Variants in COLEC12 observed in about 807,000 individuals in gnomAD.
COLEC12 encodes the protein collectin-12.
A neutral mutation model predicts 71.1 loss-of-function variants in COLEC12; 33 were observed. That is an observed-to-expected ratio of 0.46 (90% CI 0.35 to 0.62). COLEC12 has a LOEUF of 0.62. Among genes scored for constraint, COLEC12 ranks in the 20% least tolerant of loss-of-function variants. The pLI, the probability that COLEC12 is intolerant of heterozygous loss-of-function variation, is 0.00. For synonymous variants in COLEC12, 350 were observed against 353.0 expected, an observed-to-expected ratio of 0.99 and a Z score of 0.10; for missense variants, 765 against 916.1, an observed-to-expected ratio of 0.84 and a Z score of 2.13.
At chr18:363,350 C>T (rs658489) in intron 2 of COLEC12, among the ~76,000 whole-genome samples, 89,262 of 151,986 alleles carry the variant, frequency 0.59, 26,768 homozygotes, top group South Asian at 0.73. Context: ...AGGTGGAGGC[C>T]GGCACTGTGG....
chr18:342,201 G>A (rs1169465412), intron 5 of COLEC12, among the ~76,000 whole-genome samples: 1 of 152,112 alleles, frequency 6.6e-6, no homozygotes, highest in Non-Finnish European at 1.5e-5. Context: ...GGGATTACGG[G>A]CATGTGCCAC....
rs146915453 is a variant in COLEC12, at chr18:397,664, A to G, written c.59-40142T>C. Among the ~76,000 whole-genome samples, 241 of 152,220 alleles carry G rather than the reference A, an allele frequency of 1.6e-3. 1 individual carries two copies. Among genetic ancestry groups the G allele is most frequent in the South Asian group, 0.014 (68 of 4,810 alleles). On this transcript the variant is annotated intron_variant, in intron 2 of 9. Coordinates refer to ENST00000400256, the MANE Select transcript of COLEC12 (RefSeq NM_130386.3). ...TGGCCTGTGTTATTAGTCTATCTTTAACCCATGGTTTCTTCAGAGGAGGCT... is the reference window on the plus strand; with the variant it reads ...TGGCCTGTGTTATTAGTCTATCTTTGACCCATGGTTTCTTCAGAGGAGGCT...
At chr18:371,011 G>A (rs1468390313) in intron 2 of COLEC12, among the ~76,000 whole-genome samples, 1 of 152,204 alleles carries the variant, frequency 6.6e-6, no homozygotes, top group East Asian at 1.9e-4. Context: ...ATGAAGTCTG[G>A]ACTTCACAGC....
intron 2 of COLEC12, among the ~76,000 whole-genome samples, chr18:431,481 C>A (rs1004287170): frequency 6.6e-6 from 1 of 152,120 alleles, no homozygotes. Flanking sequence ...TAAAACCAGA[C>A]CTGAATGAAT....
chr18:381,223 A>G (rs1237424986), intron 2 of COLEC12, among the ~76,000 whole-genome samples: 1 of 152,220 alleles, frequency 6.6e-6, no homozygotes, highest in Non-Finnish European at 1.5e-5. Flanking sequence ...GTATTGAGAC[A>G]TACTTCTGCT....
Position 399,358 on chromosome 18 carries a change from G to A in COLEC12, c.59-41836C>T, listed in dbSNP as rs61547160. Among the ~76,000 whole-genome samples the A allele has an allele frequency of 0.037, 5,647 of 152,274 alleles. 170 individuals are homozygous for A. Among genetic ancestry groups the A allele is most frequent in the East Asian group, 0.18 (920 of 5,176 alleles). On this transcript the variant is annotated intron_variant, in intron 2 of 9. Transcript: ENST00000400256. This position sits in a 1 kb window ranked among gnomAD's most constrained non-coding sequence, Gnocchi z 4.0. Reference sequence around the variant, plus strand: ...AAGCAGGCCAGACGAGAGGCTTTTTGGAAGGGTTCTCATCACTGTGTAGCG... The same window carrying A: ...AAGCAGGCCAGACGAGAGGCTTTTTAGAAGGGTTCTCATCACTGTGTAGCG...
intron 3 of COLEC12, among the ~76,000 whole-genome samples, chr18:352,597 T>G (rs897429207): frequency 1.3e-5 from 2 of 152,224 alleles, no homozygotes; most frequent in African/African-American, 4.8e-5. Flanking sequence ...ATGAACAGTT[T>G]ACATGCACTG....
At chr18:423,908 G>T (rs746753036) in intron 2 of COLEC12, 4 of 152,084 alleles carry the variant, frequency 2.6e-5, no homozygotes, top group Non-Finnish European at 4.4e-5. Flanking sequence ...AGAGCTGAAG[G>T]GCTCATCTGA....
chr18:437,131 C>T (rs1197871138), intron 2 of COLEC12, among the ~76,000 whole-genome samples: 2 of 152,138 alleles, frequency 1.3e-5, no homozygotes, highest in Non-Finnish European at 2.9e-5. Context: ...GCTGTCTTGG[C>T]CCAACCAAGG....
intron 3 of COLEC12, among the ~76,000 whole-genome samples, chr18:354,452 A>G (rs748753499): frequency 9.9e-5 from 15 of 152,248 alleles, no homozygotes; most frequent in Non-Finnish European, 1.8e-4. Context: ...CTGATAAATA[A>G]AAGTTTTTAC....
At chr18:375,375 C>T (rs932982259) in intron 2 of COLEC12, among the ~76,000 whole-genome samples, 14 of 152,202 alleles carry the variant, frequency 9.2e-5, no homozygotes, top group Admixed American at 1.3e-4. Context: ...GGCTTTCTCC[C>T]TTTTTTCGGG....
At chr18:496,134 G>A (rs1263476438) in intron 1 of COLEC12, among the ~76,000 whole-genome samples, 1 of 152,198 alleles carries the variant, frequency 6.6e-6, no homozygotes, top group East Asian at 1.9e-4. Flanking sequence ...GGCAGCGGTT[G>A]CAAGAGTTGT....
At chr18:494,666 A>G (rs1734975095) in intron 1 of COLEC12, among the ~76,000 whole-genome samples, 1 of 152,258 alleles carries the variant, frequency 6.6e-6, no homozygotes, top group South Asian at 2.1e-4. Context: ...TATCTACTTT[A>G]AAGTAGGACT....
At chr18:470,220 ATTTTTTTT>A (rs71174234) in intron 2 of COLEC12, among the ~76,000 whole-genome samples, 3,019 of 92,094 alleles carry the variant, frequency 0.033, 32 homozygotes, top group Non-Finnish European at 0.05. Context: ...AGGCCAGGAA[ATTTTTTTT>A]TTTTTTTTTT....
chr18:414,644 T>C (rs1210661546), intron 2 of COLEC12, among the ~76,000 whole-genome samples: 1 of 152,094 alleles, frequency 6.6e-6, no homozygotes, highest in Non-Finnish European at 1.5e-5. Flanking sequence ...AACCGAACTC[T>C]TATGCAAACA....
At chr18:350,114 G>GTA (rs752922346) in intron 3 of COLEC12, among the ~76,000 whole-genome samples, 5 of 152,200 alleles carry the variant, frequency 3.3e-5, no homozygotes, top group Admixed American at 6.5e-5. Flanking sequence ...CAGTTTGGCT[G>GTA]TATTCTCGCC....
At chr18:410,060 C>T (rs1357083926) in intron 2 of COLEC12, among the ~76,000 whole-genome samples, 1 of 152,184 alleles carries the variant, frequency 6.6e-6, no homozygotes, top group Non-Finnish European at 1.5e-5. Context: ...GTTAATAATA[C>T]CCTCCCTGTA....
chr18:322,903 C>T (rs1449901888), intron 8 of COLEC12, among the ~76,000 whole-genome samples: 1 of 152,040 alleles, frequency 6.6e-6, no homozygotes, highest in Non-Finnish European at 1.5e-5. Context: ...CTCCCCCACA[C>T]CAAATGTGTA....
intron 2 of COLEC12, among the ~76,000 whole-genome samples, chr18:417,045 C>T (rs976273961): frequency 4.3e-5 from 3 of 68,992 alleles, no homozygotes; most frequent in Admixed American, 3.6e-4. Flanking sequence ...CACCCAGACA[C>T]ACACACACAC....
Sources: allele counts gnomAD v4.1 joint callset (sites outside exome capture counted in the v4.1 genomes callset), GRCh38; gene constraint gnomAD v4.1.1; non-coding constraint Gnocchi (gnomAD v3.1); transcripts MANE v1.5; gene names NCBI Gene and HGNC (gene_info 2026-07-23, HGNC 2026-07-21).